PHLPP2: variants seen among roughly 807,000 people sequenced by gnomAD.
PHLPP2 encodes PH domain leucine-rich repeat-containing protein phosphatase 2.
PHLPP2 carries 66 observed loss-of-function variants against 124.9 expected under a neutral mutation model. The ratio of observed to expected loss-of-function variants is 0.53; its 90% CI spans 0.43 to 0.65. PHLPP2 has a LOEUF of 0.65. Ranked by LOEUF, PHLPP2 falls within the 30% of genes least tolerant of loss-of-function variation. PHLPP2 has a pLI of 0.00. For missense variants in PHLPP2, 1,685 were observed against 1,600.4 expected (o/e 1.05, Z -0.90); for synonymous variants, 681 against 624.7 (o/e 1.09, Z -1.34).
At chr16:71,667,078 G>T in intron 12 of PHLPP2, 100 bp downstream of exon 12, 1 of 973,446 alleles carries the variant, frequency 1.0e-6, no homozygotes, top group Non-Finnish European at 1.5e-6. Flanking sequence ...TTAGGTAAAC[G>T]CTCTGTAAAT....
chr16:71,707,619 A>C (rs749551585), intron 2 of PHLPP2, among the ~76,000 whole-genome samples: 1 of 152,170 alleles, frequency 6.6e-6, no homozygotes, highest in Non-Finnish European at 1.5e-5. Flanking sequence ...ACACCAGTGG[A>C]GTTTCCCAGC....
rs151177503 is a variant in PHLPP2, at chr16:71,669,302, T to C, written c.1601A>G (p.Tyr534Cys). 5,027 of 1,611,570 alleles carry C rather than the reference T, an allele frequency of 3.1e-3. 16 individuals are homozygous for C. Among genetic ancestry groups the C allele is most frequent in the Middle Eastern group, 6.3e-3 (38 of 6,058 alleles). ...AKKIEVLDVS[Y>C]NLLTEVPVRI... is the part of the protein sequence containing the mutation. Reference sequence around the variant, plus strand: ...CACGGGAACCTCTGTGAGAAGATTATAGCTCACATCTAATACTTCTATCTT... The same window carrying C: ...CACGGGAACCTCTGTGAGAAGATTACAGCTCACATCTAATACTTCTATCTT... Residue 534 changes from tyrosine (Y) to cysteine (C), a missense_variant, in exon 11 of 19, where the codon TAT (tyrosine) becomes TGT (cysteine). Tyr to Cys is a radical substitution (Grantham distance 194). Transcript: ENST00000568954.
chr16:71,705,073 T>G (rs182674787), intron 2 of PHLPP2, among the ~76,000 whole-genome samples: 1 of 152,134 alleles, frequency 6.6e-6, no homozygotes, highest in African/African-American at 2.4e-5. Flanking sequence ...TTTTAACCAT[T>G]AGAGATGCTC....
At chr16:71,679,124 G>T in intron 7 of PHLPP2, 139 bp from the exon 8 acceptor site, 1 of 631,740 alleles carries the variant, frequency 1.6e-6, no homozygotes, top group Non-Finnish European at 2.8e-6. Flanking sequence ...CTCCATCTAT[G>T]CAGACTTAAT....
Position 71,649,043 on chromosome 16 carries a change from A to C in PHLPP2, c.3819T>G (p.Thr1273=), listed in dbSNP as rs749273235. 22 of 1,613,864 alleles carry C rather than the reference A, an allele frequency of 1.4e-5. No individual in the cohort carries two copies. The East Asian group carries it at 4.9e-4, about 36-fold the overall frequency. ...KRKTGYFAAP[T]QMEPEDQFVV... is the part of the protein sequence containing the mutation. ...CAAACTGGTCCTCTGGTTCCATCTG[A>C]GTGGGGGCAGCAAAATAGCCAGTTT... The change falls in exon 19 of 19, where the codon ACT becomes ACG. Residue 1273 remains threonine (T), a synonymous_variant. Coordinates refer to ENST00000568954, the MANE Select transcript of PHLPP2 (RefSeq NM_015020.3).
intron 4 of PHLPP2, among the ~76,000 whole-genome samples, chr16:71,689,555 G>C (rs1567622745): frequency 6.6e-6 from 1 of 151,936 alleles, no homozygotes; most frequent in African/African-American, 2.4e-5. Flanking sequence ...ACCATGCCCA[G>C]CTAATTTTTT....
At chr16:71,675,389 G>T (rs72799898) in intron 9 of PHLPP2, among the ~76,000 whole-genome samples, 6 of 152,014 alleles carry the variant, frequency 3.9e-5, no homozygotes, top group Non-Finnish European at 7.4e-5. Flanking sequence ...GAATGGCCTC[G>T]ACAAATATGA....
chr16:71,676,049 T>TA (rs1033215662), intron 9 of PHLPP2, among the ~76,000 whole-genome samples: 2 of 151,990 alleles, frequency 1.3e-5, no homozygotes, highest in South Asian at 2.1e-4. Flanking sequence ...CTTTTTTTTT[T>TA]ACCCAACCAT....
chr16:71,697,001 T>C (rs1358595229), intron 3 of PHLPP2, among the ~76,000 whole-genome samples: 3 of 151,882 alleles, frequency 2.0e-5, no homozygotes, highest in Admixed American at 2.0e-4. Context: ...TGAAACCCCA[T>C]CTCTACTAAA....
intron 3 of PHLPP2, among the ~76,000 whole-genome samples, chr16:71,697,801 T>C (rs1263290396): frequency 6.8e-6 from 1 of 146,692 alleles, no homozygotes; most frequent in Non-Finnish European, 1.5e-5. Flanking sequence ...GGTTTGCTCT[T>C]TCTCTCTCTC....
At position 71,659,247 on chromosome 16, in the gene PHLPP2, A is replaced by ATT. The variant is rs11357819; in HGVS notation, c.1986-434_1986-433dup. ...GAGGTTGTACTAAATCATCACAAAG[A>ATT]TTTTTTTTTTTTTTTTTTTTTGAGA... On this transcript the variant is annotated intron_variant, in intron 13 of 18. Transcript: ENST00000568954. Among the ~76,000 whole-genome samples the ATT allele has an allele frequency of 2.4e-4, 22 of 89,860 alleles. 1 individual carries two copies. Among genetic ancestry groups the ATT allele is most frequent in the African/African-American group, 6.7e-4 (16 of 23,800 alleles). The allele number at this position is 89,860 out of a possible 152,430, so 59.0% of individuals were successfully genotyped here.
intron 5 of PHLPP2, among the ~76,000 whole-genome samples, chr16:71,683,598 A>G (rs1192877641): frequency 2.0e-5 from 3 of 152,178 alleles, no homozygotes; most frequent in Non-Finnish European, 1.5e-5. Context: ...CTAAGGCCCT[A>G]ACTCCCACAG....
intron 4 of PHLPP2, among the ~76,000 whole-genome samples, chr16:71,687,833 T>C (rs1054594819): frequency 6.6e-6 from 1 of 152,236 alleles, no homozygotes; most frequent in African/African-American, 2.4e-5. Flanking sequence ...TTTCTCTTCC[T>C]CTCTCTTCTC....
Position 71,724,563 on chromosome 16 carries a change from C to CTTCTT in PHLPP2, c.-246_-242dup, listed in dbSNP as rs563855244. ...TCAGAAAAAAACTTTTAAAAGTTAA[C>CTTCTT]TTCTTTTCTTTTCTTTGTTTTGTTT... On this transcript the variant is annotated 5_prime_UTR_variant, in exon 1 of 19. Transcript: ENST00000568954. The CTTCTT allele has an allele frequency of 6.6e-5, 10 of 152,238 alleles. No homozygotes were observed. The East Asian group carries it at 1.9e-3, about 29-fold the overall frequency. The allele number at this position is 152,238 out of a possible 1,614,324, so 9.4% of individuals were successfully genotyped here.
intron 13 of PHLPP2, among the ~76,000 whole-genome samples, chr16:71,661,151 C>T (rs1187406548): frequency 6.6e-6 from 1 of 151,316 alleles, no homozygotes; most frequent in Non-Finnish European, 1.5e-5. Flanking sequence ...ACTGGAACCT[C>T]CACCTCCCAG....
chr16:71,721,343 G>A (rs747975291), intron 1 of PHLPP2, among the ~76,000 whole-genome samples: 13 of 152,316 alleles, frequency 8.5e-5, no homozygotes, highest in Non-Finnish European at 1.6e-4. Flanking sequence ...TGGGCTGGGT[G>A]CAGTGGCTCA....
Position 71,667,430 on chromosome 16 carries a change from T to C in PHLPP2, c.1629-97A>G, listed in dbSNP as rs113496182. 99 of 905,268 alleles carry C rather than the reference T, an allele frequency of 1.1e-4. 1 individual carries two copies. The highest frequency in any genetic ancestry group is 9.3e-4 in the Middle Eastern group (3 of 3,240). The allele number at this position is 905,268 out of a possible 1,614,324, so 56.1% of individuals were successfully genotyped here. ...TATTTAACTGAAATTAGTTAACTTA[T>C]AGAAACATATTCTCCTAGATTGTAT... On this transcript the variant is annotated intron_variant, in intron 11 of 18. Transcript: ENST00000568954.
At position 71,658,743 on chromosome 16, in the gene PHLPP2, G is replaced by C. The variant is rs750628112; in HGVS notation, c.2058C>G (p.Thr686=). 12 of 1,614,114 alleles carry C rather than the reference G, an allele frequency of 7.4e-6. No homozygotes were observed. Among genetic ancestry groups the C allele is most frequent in the Non-Finnish European group, 9.3e-6 (11 of 1,180,006 alleles). The change falls in exon 14 of 19, where the codon ACC becomes ACG. Residue 686 remains threonine, a synonymous_variant. Coordinates refer to ENST00000568954, the MANE Select transcript of PHLPP2 (RefSeq NM_015020.3). ...TGTGCAGCCTTTTACAGTTTGCTAT[G>C]GTTGTGGGAATGGTTTTAAGCTTGT... ...SGNKLKTIPT[T]IANCKRLHTL...
chr16:71,703,425 C>T (rs559221482), intron 2 of PHLPP2, among the ~76,000 whole-genome samples: 1 of 151,922 alleles, frequency 6.6e-6, no homozygotes, highest in South Asian at 2.1e-4. Flanking sequence ...AAGGTAAAAC[C>T]AGAATGTCCT....
Sources: gnomAD v4.1 joint callset for allele counts (sites outside exome capture counted in the v4.1 genomes callset) on GRCh38, gnomAD v4.1.1 for gene constraint, MANE v1.5 for transcripts, NCBI Gene and HGNC (gene_info 2026-07-23, HGNC 2026-07-21) for gene names.